The following ADGRB3 variants were observed in gnomAD, a reference collection of about 807,000 sequenced individuals.
ADGRB3 encodes adhesion G protein-coupled receptor B3, also known as brain-specific angiogenesis inhibitor 3.
ADGRB3 carries 37 observed loss-of-function variants against 193.4 expected under a neutral mutation model. The observed-to-expected ratio is 0.19, with a 90% CI of 0.15 to 0.25. ADGRB3 has a LOEUF of 0.25. ADGRB3 is among the 10% of genes least tolerant of loss of function. The pLI is 1.00. For synonymous variants in ADGRB3, 690 were observed against 644.2 expected, an observed-to-expected ratio of 1.07 and a Z score of -1.08; for missense variants, 1,637 against 1,852.9, an observed-to-expected ratio of 0.88 and a Z score of 2.14.
At chr6:69,255,621 G>C (rs1184049847) in intron 20 of ADGRB3, among the ~76,000 whole-genome samples, 1 of 152,072 alleles carries the variant, frequency 6.6e-6, no homozygotes, top group African/African-American at 2.4e-5. Flanking sequence ...CAGATGAGTA[G>C]GTTGCAAAAA....
chr6:68,891,782 G>C (rs1397763865), intron 3 of ADGRB3, among the ~76,000 whole-genome samples: 5 of 152,144 alleles, frequency 3.3e-5, no homozygotes, highest in African/African-American at 1.2e-4. Flanking sequence ...AGGAGAGGGA[G>C]ATGCTGAAGG....
At chr6:68,955,473 T>C (rs1047210118) in intron 6 of ADGRB3, among the ~76,000 whole-genome samples, 74 of 152,312 alleles carry the variant, frequency 4.9e-4, no homozygotes, top group African/African-American at 1.7e-3. Context: ...AATAAATATT[T>C]TTGAAGAAAT....
At chr6:69,098,514 A>G (rs1772947911) in intron 17 of ADGRB3, among the ~76,000 whole-genome samples, 1 of 152,192 alleles carries the variant, frequency 6.6e-6, no homozygotes, top group South Asian at 2.1e-4. Flanking sequence ...GACAGTATGC[A>G]TGAATGGGAG....
chr6:69,034,707 G>A (rs569334070), intron 13 of ADGRB3, among the ~76,000 whole-genome samples: 116 of 151,216 alleles, frequency 7.7e-4, no homozygotes, highest in African/African-American at 2.7e-3. Flanking sequence ...GAGAACAACA[G>A]TACATTAACT....
At chr6:68,845,249 A>G (rs1288335087) in intron 3 of ADGRB3, among the ~76,000 whole-genome samples, 1 of 152,166 alleles carries the variant, frequency 6.6e-6, no homozygotes, top group African/African-American at 2.4e-5. Context: ...TTATGTACTG[A>G]TAAAAATTAA....
At chr6:68,813,002 A>C (rs943550613) in intron 3 of ADGRB3, among the ~76,000 whole-genome samples, 3 of 151,968 alleles carry the variant, frequency 2.0e-5, no homozygotes, top group Non-Finnish European at 2.9e-5. Context: ...TTTGAATCTG[A>C]TATGGTTTGG....
At chr6:69,003,685 C>A (rs957144905) in intron 11 of ADGRB3, among the ~76,000 whole-genome samples, 1 of 152,082 alleles carries the variant, frequency 6.6e-6, no homozygotes, top group Non-Finnish European at 1.5e-5. Flanking sequence ...TAAACCCCGC[C>A]CTTATTGTAA....
chr6:68,964,793 G>A (rs1214936833), intron 8 of ADGRB3, among the ~76,000 whole-genome samples: 1 of 152,224 alleles, frequency 6.6e-6, no homozygotes, highest in East Asian at 1.9e-4. Flanking sequence ...TAAACAATCT[G>A]CAATATATAC....
intron 30 of ADGRB3, among the ~76,000 whole-genome samples, chr6:69,380,754 T>A (rs1769929221): frequency 6.6e-6 from 1 of 151,962 alleles, no homozygotes; most frequent in South Asian, 2.1e-4. Context: ...TTACATTTAT[T>A]TGAATTATTA....
intron 17 of ADGRB3, among the ~76,000 whole-genome samples, chr6:69,203,469 C>T (rs985473090): frequency 6.6e-6 from 1 of 151,132 alleles, no homozygotes; most frequent in African/African-American, 2.4e-5. Context: ...TTTCTCTTAC[C>T]CATATTTAAT....
At chr6:68,874,147 A>G (rs1252274499) in intron 3 of ADGRB3, among the ~76,000 whole-genome samples, 1 of 151,960 alleles carries the variant, frequency 6.6e-6, no homozygotes, top group Non-Finnish European at 1.5e-5. Flanking sequence ...TAGTATTAGG[A>G]TTTTCTAAAA....
chr6:68,749,408 A>ATATATGTGTGTGTG (rs540892508), intron 3 of ADGRB3, among the ~76,000 whole-genome samples: 37 of 136,560 alleles, frequency 2.7e-4, no homozygotes, highest in African/African-American at 1.0e-3. Context: ...ATATATATAT[A>ATATATGTGTGTGTG]TGTGTGTGTG....
At chr6:68,856,375 A>G (rs763579408) in intron 3 of ADGRB3, among the ~76,000 whole-genome samples, 3 of 152,062 alleles carry the variant, frequency 2.0e-5, no homozygotes, top group Non-Finnish European at 4.4e-5. Context: ...AAAGTTTGGA[A>G]CTCCCTAGAG....
intron 20 of ADGRB3, among the ~76,000 whole-genome samples, chr6:69,287,839 G>C (rs1052818390): frequency 1.1e-4 from 16 of 152,106 alleles, no homozygotes; most frequent in Non-Finnish European, 2.1e-4. Context: ...TTCCATAACT[G>C]AGAAATTCTG....
rs535504516 is a variant in ADGRB3 at position 69,005,374 on chromosome 6, T to TA, written c.1930-8658dup. Among the ~76,000 whole-genome samples, 48 of 151,686 alleles carry TA rather than the reference T, an allele frequency of 3.2e-4. No individual in the cohort carries two copies. The East Asian group carries it at 5.8e-3, about 18-fold the overall frequency. On this transcript the variant is annotated intron_variant, in intron 11 of 31. Coordinates refer to ENST00000370598, the MANE Select transcript of ADGRB3 (RefSeq NM_001704.3). ...ACTCAGAGGTACTGAGAGCGTTGTA[T>TA]AAAAAATTCCCCATCTGAGCTATTC...
chr6:68,888,632 T>G (rs1478683593), intron 3 of ADGRB3, among the ~76,000 whole-genome samples: 1 of 151,808 alleles, frequency 6.6e-6, no homozygotes, highest in Non-Finnish European at 1.5e-5. Flanking sequence ...GTAACAAATA[T>G]ATAATTATGG....
intron 26 of ADGRB3, among the ~76,000 whole-genome samples, chr6:69,342,776 G>A (rs1201704092): frequency 6.6e-6 from 1 of 151,922 alleles, no homozygotes; most frequent in Non-Finnish European, 1.5e-5. Context: ...ATTTATAATT[G>A]GATCCTAGAA....
At chr6:69,003,138 C>G (rs1769631653) in intron 11 of ADGRB3, among the ~76,000 whole-genome samples, 1 of 152,116 alleles carries the variant, frequency 6.6e-6, no homozygotes, top group Non-Finnish European at 1.5e-5. Flanking sequence ...TTACTCAGTA[C>G]CTGACACCTG....
Position 68,670,320 on chromosome 6 carries a change from C to T in ADGRB3, c.757+30888C>T, listed in dbSNP as rs369166656. On this transcript the variant is annotated intron_variant, in intron 3 of 31. Transcript: ENST00000370598. Reference sequence around the variant, plus strand: ...CCTTGGTTGCCTGTGCTTGTAGGGTCTTGCTCAAGAAACTTTTCACTCAGA... The same window carrying T: ...CCTTGGTTGCCTGTGCTTGTAGGGTTTTGCTCAAGAAACTTTTCACTCAGA... Among the ~76,000 whole-genome samples, 29 of 151,986 alleles carry T rather than the reference C, an allele frequency of 1.9e-4. No homozygotes were observed. In the South Asian group the frequency reaches 5.6e-3, roughly 29 times the overall value.
Sources: gnomAD v4.1 joint callset for allele counts (sites outside exome capture counted in the v4.1 genomes callset) on GRCh38, gnomAD v4.1.1 for gene constraint, MANE v1.5 for transcripts, NCBI Gene and HGNC (gene_info 2026-07-23, HGNC 2026-07-21) for gene names.